MDGA2: variants seen among roughly 807,000 people sequenced by gnomAD.
The protein encoded by MDGA2 is MAM domain containing glycosylphosphatidylinositol anchor 2.
In MDGA2, 40 loss-of-function variants were observed where a neutral mutation model predicts 117.8. That is an observed-to-expected ratio of 0.34 (90% confidence interval 0.26 to 0.44). MDGA2 has a LOEUF of 0.44. Among genes scored for constraint, MDGA2 ranks in the 20% least tolerant of loss-of-function variants. MDGA2 has a pLI of 1.00. For missense variants in MDGA2, 1,123 were observed against 1,250.6 expected (o/e 0.90, Z 1.54); for synonymous variants, 452 against 439.0 (o/e 1.03, Z -0.37).
intron 2 of MDGA2, among the ~76,000 whole-genome samples, chr14:47,259,434 G>A (rs1021270351): frequency 6.6e-6 from 1 of 152,088 alleles, no homozygotes; most frequent in African/African-American, 2.4e-5. Context: ...AAAAAGATAT[G>A]TTTGAGAAAT....
chr14:47,035,875 A>G (rs1008077297), intron 7 of MDGA2, among the ~76,000 whole-genome samples: 2 of 152,202 alleles, frequency 1.3e-5, no homozygotes, highest in Non-Finnish European at 1.5e-5. Flanking sequence ...TTCACTTCAT[A>G]ATATTTTGAT....
chr14:47,350,689 A>C (rs2138346764), intron 1 of MDGA2, among the ~76,000 whole-genome samples: 1 of 152,334 alleles, frequency 6.6e-6, no homozygotes, highest in Middle Eastern at 3.4e-3. Context: ...GGGAGAATGT[A>C]TCTTAGAGGC....
intron 1 of MDGA2, among the ~76,000 whole-genome samples, chr14:47,407,476 T>C (rs752697291): frequency 1.3e-5 from 2 of 152,188 alleles, no homozygotes; most frequent in East Asian, 1.9e-4. Context: ...CTGGAATCTT[T>C]GTGAATTCTT....
At chr14:47,148,626 A>C (rs1372293786) in intron 3 of MDGA2, among the ~76,000 whole-genome samples, 2 of 152,198 alleles carry the variant, frequency 1.3e-5, no homozygotes, top group Non-Finnish European at 2.9e-5. Context: ...TCAGGAGTCC[A>C]TTCTCCCTAG....
At chr14:47,356,306 T>G (rs78963052) in intron 1 of MDGA2, among the ~76,000 whole-genome samples, 3,296 of 152,288 alleles carry the variant, frequency 0.022, 110 homozygotes, top group African/African-American at 0.075. Context: ...GGAACCCCTA[T>G]GCTTATCGCC....
At chr14:47,597,278 T>C (rs1354257289) in intron 1 of MDGA2, among the ~76,000 whole-genome samples, 1 of 152,176 alleles carries the variant, frequency 6.6e-6, no homozygotes, top group Non-Finnish European at 1.5e-5. Context: ...ATAAATGATA[T>C]ATATGAAGTA....
intron 3 of MDGA2, among the ~76,000 whole-genome samples, chr14:47,186,438 A>G (rs1361071511): frequency 6.6e-6 from 1 of 151,872 alleles, no homozygotes; most frequent in Non-Finnish European, 1.5e-5. Flanking sequence ...GTACTAAATT[A>G]TTTTCAAATA....
At chr14:47,033,946 A>T (rs1888751250) in intron 8 of MDGA2, among the ~76,000 whole-genome samples, 1 of 152,212 alleles carries the variant, frequency 6.6e-6, no homozygotes, top group African/African-American at 2.4e-5. Flanking sequence ...TCTAATATAA[A>T]AATAGACATT....
At chr14:47,608,380 C>G (rs1234878689) in intron 1 of MDGA2, among the ~76,000 whole-genome samples, 1 of 152,036 alleles carries the variant, frequency 6.6e-6, no homozygotes, top group Non-Finnish European at 1.5e-5. Flanking sequence ...GTAGGTCCCA[C>G]TAAATCCATA....
intron 1 of MDGA2, among the ~76,000 whole-genome samples, chr14:47,556,779 T>G (rs572433284): frequency 9.9e-5 from 15 of 152,230 alleles, no homozygotes; most frequent in Non-Finnish European, 1.8e-4. Context: ...TTTACTAAAA[T>G]AAAACTAAAA....
intron 8 of MDGA2, among the ~76,000 whole-genome samples, chr14:47,006,319 G>T (rs770053014): frequency 8.4e-6 from 1 of 119,684 alleles, no homozygotes; most frequent in Non-Finnish European, 2.1e-5. Context: ...TTGAAATAAC[G>T]TTGTCTCCAT....
chr14:46,940,553 G>C (rs939104443), intron 9 of MDGA2, among the ~76,000 whole-genome samples: 1 of 151,836 alleles, frequency 6.6e-6, no homozygotes, highest in Non-Finnish European at 1.5e-5. Context: ...GCTCGAACCC[G>C]GGGGGTGGAG....
chr14:47,625,763 ATCTT>A (rs1406049835), intron 1 of MDGA2, among the ~76,000 whole-genome samples: 2 of 152,218 alleles, frequency 1.3e-5, no homozygotes, highest in South Asian at 2.1e-4. Context: ...TAACAAAGTT[ATCTT>A]TCTAATATGC....
chr14:47,347,508 C>T (rs1890786449), intron 1 of MDGA2, among the ~76,000 whole-genome samples: 1 of 152,132 alleles, frequency 6.6e-6, no homozygotes, highest in Admixed American at 6.5e-5. Flanking sequence ...GACAAGATGA[C>T]TCTAAGGTAT....
At chr14:47,281,759 TAAAGA>T (rs1207966445) in intron 2 of MDGA2, among the ~76,000 whole-genome samples, 4 of 152,124 alleles carry the variant, frequency 2.6e-5, no homozygotes, top group Non-Finnish European at 5.9e-5. Flanking sequence ...AATTCATCTG[TAAAGA>T]AGACACTTTC....
chr14:47,342,596 G>A (rs1890662651), intron 1 of MDGA2, among the ~76,000 whole-genome samples: 1 of 152,068 alleles, frequency 6.6e-6, no homozygotes, highest in African/African-American at 2.4e-5. Flanking sequence ...TCTGTGATAG[G>A]AGTAGAAAAT....
At chr14:47,104,734 C>T (rs1447092212) in intron 5 of MDGA2, among the ~76,000 whole-genome samples, 1 of 152,050 alleles carries the variant, frequency 6.6e-6, no homozygotes, top group Non-Finnish European at 1.5e-5. Context: ...ATCCCCTGTC[C>T]TCCTGCTCTT....
chr14:46,857,112 C>A (rs1270455286), intron 14 of MDGA2, among the ~76,000 whole-genome samples: 2 of 152,120 alleles, frequency 1.3e-5, no homozygotes, highest in African/African-American at 2.4e-5. Flanking sequence ...GTAAACCTTA[C>A]CTTCCGGTAC....
intron 1 of MDGA2, among the ~76,000 whole-genome samples, chr14:47,386,769 G>C (rs546517266): frequency 7.9e-5 from 12 of 152,258 alleles, no homozygotes; most frequent in South Asian, 4.2e-4. Flanking sequence ...TATATGGGCT[G>C]CAGCATGACT....
Sources: gnomAD v4.1 joint callset for allele counts (sites outside exome capture counted in the v4.1 genomes callset) on GRCh38, gnomAD v4.1.1 for gene constraint, MANE v1.5 for transcripts, NCBI Gene and HGNC (gene_info 2026-07-23, HGNC 2026-07-21) for gene names.